The following STXBP6 variants were observed in gnomAD, a reference collection of about 807,000 sequenced individuals.
The protein encoded by STXBP6 is syntaxin-binding protein 6.
A neutral mutation model predicts 26.9 loss-of-function variants in STXBP6; 21 were observed. That is an observed-to-expected ratio of 0.78 (90% CI 0.55 to 1.12). The LOEUF (loss-of-function observed/expected upper bound fraction) is 1.12. Among genes scored for constraint, STXBP6 ranks in the 50% most tolerant of loss-of-function variants. STXBP6 has a pLI of 0.00. For missense variants in STXBP6, 232 were observed against 257.9 expected, an observed-to-expected ratio of 0.90 and a Z score of 0.69; for synonymous variants, 97 against 92.6, an observed-to-expected ratio of 1.05 and a Z score of -0.27.
chr14:24,981,274 G>A (rs2074184867), intron 1 of STXBP6, among the ~76,000 whole-genome samples: 1 of 147,424 alleles, frequency 6.8e-6, no homozygotes, highest in Non-Finnish European at 1.5e-5. Flanking sequence ...ATATGTATGT[G>A]AGTATTTTTT....
intron 1 of STXBP6, among the ~76,000 whole-genome samples, chr14:25,043,875 G>A (rs140643276): frequency 1.3e-5 from 2 of 152,000 alleles, no homozygotes; most frequent in Admixed American, 6.6e-5. Flanking sequence ...TCCACTTTAG[G>A]GCTATTAAGA....
rs963777034 is a variant in STXBP6, at chr14:24,927,865, CT to C, written c.154+46799del. On this transcript the variant is annotated intron_variant, in intron 2 of 5. Transcript: ENST00000323944. ...TATACTTGCAACTTTAATAAAAACT[CT>C]TTTTTTTTCCTCTAGTTCTGGAGAG... Among the ~76,000 whole-genome samples the C allele has an allele frequency of 1.5e-3, 229 of 151,704 alleles. 2 individuals are homozygous for C. The highest frequency in any genetic ancestry group is 5.2e-3 in the African/African-American group (217 of 41,364).
At chr14:24,992,537 C>T (rs940066026) in intron 1 of STXBP6, among the ~76,000 whole-genome samples, 11 of 152,056 alleles carry the variant, frequency 7.2e-5, no homozygotes, top group African/African-American at 2.7e-4. Flanking sequence ...CTTTGCAGAC[C>T]AGAGTTGGTA....
chr14:25,031,498 T>C (rs1235643595), intron 1 of STXBP6, among the ~76,000 whole-genome samples: 2 of 152,204 alleles, frequency 1.3e-5, no homozygotes, highest in Non-Finnish European at 2.9e-5. Flanking sequence ...GCAATATACA[T>C]AGAATAGATT....
At chr14:24,915,035 G>A (rs925090687) in intron 2 of STXBP6, among the ~76,000 whole-genome samples, 2 of 152,046 alleles carry the variant, frequency 1.3e-5, no homozygotes, top group African/African-American at 4.8e-5. Flanking sequence ...TTTTTTTAAG[G>A]AGAAGAGAGA....
chr14:24,879,976 C>T (rs769807626), intron 2 of STXBP6, among the ~76,000 whole-genome samples: 2 of 152,204 alleles, frequency 1.3e-5, no homozygotes, highest in Non-Finnish European at 2.9e-5. Context: ...TTGGTGTATA[C>T]TCCCTTTCGT....
chr14:25,043,029 G>A (rs987611286), intron 1 of STXBP6, among the ~76,000 whole-genome samples: 37 of 152,172 alleles, frequency 2.4e-4, no homozygotes, highest in African/African-American at 7.7e-4. Context: ...CTAAAATGTC[G>A]ATCACAGTCA....
chr14:25,002,359 C>CTTTTTTTTTTTTTTTTTTTTTTTTTT (rs747010332), intron 1 of STXBP6, among the ~76,000 whole-genome samples: 14 of 121,354 alleles, frequency 1.2e-4, no homozygotes, highest in Non-Finnish European at 1.5e-4. Context: ...ATTCTTATGA[C>CTTTTTTTTTTTTTTTTTTTTTTTTTT]TTTTTTTTTT....
chr14:25,015,792 AC>A (rs2075135090), intron 1 of STXBP6, among the ~76,000 whole-genome samples: 1 of 145,214 alleles, frequency 6.9e-6, no homozygotes, highest in South Asian at 2.1e-4. Context: ...TTAACAAACA[AC>A]AACAAGGAAA....
chr14:24,833,373 A>G (rs1469468069), intron 4 of STXBP6, among the ~76,000 whole-genome samples: 1 of 152,210 alleles, frequency 6.6e-6, no homozygotes, highest in Non-Finnish European at 1.5e-5. Context: ...TGGAGCATTT[A>G]TTATAATGCA....
At chr14:24,826,039 G>C (rs2068270467) in intron 4 of STXBP6, among the ~76,000 whole-genome samples, 1 of 152,082 alleles carries the variant, frequency 6.6e-6, no homozygotes, top group Non-Finnish European at 1.5e-5. Flanking sequence ...GTTCTGTCTT[G>C]GGTTATGTTT....
chr14:24,837,331 AAGAAGCT>A (rs1435263436), intron 4 of STXBP6, among the ~76,000 whole-genome samples: 1 of 152,212 alleles, frequency 6.6e-6, no homozygotes, highest in Non-Finnish European at 1.5e-5. Context: ...TACTCTTGTT[AAGAAGCT>A]AGTAGCATCA....
At chr14:24,888,838 A>G (rs1444862690) in intron 2 of STXBP6, among the ~76,000 whole-genome samples, 1 of 152,140 alleles carries the variant, frequency 6.6e-6, no homozygotes, top group African/African-American at 2.4e-5. Context: ...TATGTACCAG[A>G]CACAGTTTAG....
intron 1 of STXBP6, among the ~76,000 whole-genome samples, chr14:25,036,781 A>G (rs1344719664): frequency 7.4e-5 from 11 of 148,308 alleles, no homozygotes; most frequent in South Asian, 4.3e-4. Context: ...GCGTGAACCC[A>G]GGAGGCGGAG....
intron 1 of STXBP6, among the ~76,000 whole-genome samples, chr14:25,000,402 G>C (rs1332381676): frequency 6.7e-6 from 1 of 150,122 alleles, no homozygotes; most frequent in East Asian, 2.0e-4. Context: ...GTTAGGCTCT[G>C]GCAGTTTATA....
chr14:24,849,340 A>G (rs1246348096), intron 4 of STXBP6, among the ~76,000 whole-genome samples: 2 of 152,154 alleles, frequency 1.3e-5, no homozygotes, highest in Non-Finnish European at 2.9e-5. Flanking sequence ...ATGTAACATA[A>G]TTTACGGAGA....
chr14:24,946,239 C>G (rs1362529350), intron 2 of STXBP6, among the ~76,000 whole-genome samples: 1 of 152,024 alleles, frequency 6.6e-6, no homozygotes, highest in Non-Finnish European at 1.5e-5. Flanking sequence ...TTTTATTTTC[C>G]TGTCAGAACT....
At chr14:24,831,546 A>C (rs1408772428) in intron 4 of STXBP6, among the ~76,000 whole-genome samples, 1 of 152,198 alleles carries the variant, frequency 6.6e-6, no homozygotes, top group African/African-American at 2.4e-5. Flanking sequence ...CAGGATGGAA[A>C]ATTGAATGGT....
Position 24,811,301 on chromosome 14 carries a change from C to T in STXBP6, c.*1408G>A, listed in dbSNP as rs1174047225. ...TGCTCCTATGTAAGAGGCTGCAATA[C>T]ATATCGACTCAATCAGCAAAATGGA... On this transcript the variant is annotated 3_prime_UTR_variant, in exon 6 of 6. Transcript: ENST00000323944. The T allele has an allele frequency of 6.6e-6, 1 of 152,136 alleles. No individual in the cohort carries two copies. The highest frequency in any genetic ancestry group is 1.5e-5 in the Non-Finnish European group (1 of 68,046). 9.4% of individuals were successfully genotyped at this position (152,136 alleles called of 1,614,324 possible).
Sources: allele counts gnomAD v4.1 joint callset (sites outside exome capture counted in the v4.1 genomes callset), GRCh38; gene constraint gnomAD v4.1.1; transcripts MANE v1.5; gene names NCBI Gene and HGNC (gene_info 2026-07-23, HGNC 2026-07-21).